CADM1: variants seen among roughly 807,000 people sequenced by gnomAD.
The protein encoded by CADM1 is cell adhesion molecule 1.
CADM1 carries 15 observed loss-of-function variants against 53.1 expected under a neutral mutation model. The ratio of observed to expected loss-of-function variants is 0.28; its 90% CI spans 0.19 to 0.44. The LOEUF is 0.44. Ranked by LOEUF, CADM1 falls within the 20% of genes least tolerant of loss-of-function variation. The pLI, the probability that CADM1 is intolerant of heterozygous loss-of-function variation, is 1.00. For synonymous variants in CADM1, 281 were observed against 243.0 expected, an observed-to-expected ratio of 1.16 and a Z score of -1.45; for missense variants, 434 against 611.3, an observed-to-expected ratio of 0.71 and a Z score of 3.06.
intron 1 of CADM1, among the ~76,000 whole-genome samples, chr11:115,358,815 G>A (rs141836498): frequency 2.0e-4 from 31 of 152,220 alleles, no homozygotes; most frequent in Non-Finnish European, 3.7e-4. Flanking sequence ...ACTCTAAGGA[G>A]TATAAGTAAA....
intron 1 of CADM1, among the ~76,000 whole-genome samples, chr11:115,350,609 AT>A (rs1216092521): frequency 6.7e-6 from 1 of 150,254 alleles, no homozygotes; most frequent in Non-Finnish European, 1.5e-5. Flanking sequence ...TAGCTGGCTA[AT>A]TTATTCTGAG....
At chr11:115,322,753 T>C (rs1944856800) in intron 1 of CADM1, among the ~76,000 whole-genome samples, 1 of 152,198 alleles carries the variant, frequency 6.6e-6, no homozygotes, top group South Asian at 2.1e-4. Flanking sequence ...TTCTGTTTAA[T>C]GGTTGCGTAA....
intron 1 of CADM1, among the ~76,000 whole-genome samples, chr11:115,314,209 AT>A: frequency 6.6e-6 from 1 of 152,040 alleles, no homozygotes; most frequent in Non-Finnish European, 1.5e-5. Context: ...CCTTCTCAGG[AT>A]TCTTCACTCA....
At chr11:115,393,892 C>A (rs770637107) in intron 1 of CADM1, among the ~76,000 whole-genome samples, 5 of 152,008 alleles carry the variant, frequency 3.3e-5, no homozygotes, top group Non-Finnish European at 7.4e-5. Flanking sequence ...TACAGAGTCA[C>A]CGACCACGGT....
chr11:115,231,474 C>T lies in CADM1; in HGVS notation c.441G>A (p.Leu147=). Reference sequence around the variant, plus strand: ...CAGTGTCTTTCTGGATATCGATCATCAGATTACGTGGTGGGACTACAAATT... The same window carrying T: ...CAGTGTCTTTCTGGATATCGATCATTAGATTACGTGGTGGGACTACAAATT... The part of the protein sequence containing the change: ...TITVLVPPRN[L]MIDIQKDTAV... Residue 147 remains leucine, a synonymous_variant, in exon 4 of 12, where the codon CTG becomes CTA. Coordinates refer to ENST00000331581, the MANE Select transcript of CADM1 (RefSeq NM_001301043.2). The T allele has an allele frequency of 6.2e-7, 1 of 1,614,048 alleles. No individual in the cohort carries two copies. The highest frequency in any genetic ancestry group is 8.5e-7 in the Non-Finnish European group (1 of 1,179,920).
intron 1 of CADM1, among the ~76,000 whole-genome samples, chr11:115,314,264 TG>T (rs1268169382): frequency 1.3e-5 from 2 of 152,016 alleles, no homozygotes; most frequent in Non-Finnish European, 2.9e-5. Flanking sequence ...GGGGGGACAC[TG>T]GGGGAGAGAA....
At chr11:115,357,551 C>T (rs954070524) in intron 1 of CADM1, among the ~76,000 whole-genome samples, 1 of 152,108 alleles carries the variant, frequency 6.6e-6, no homozygotes, top group African/African-American at 2.4e-5. Context: ...CGGTGTTGTC[C>T]ACTTATTAGC....
At position 115,356,080 on chromosome 11, in the gene CADM1, C is replaced by T. The variant is rs552653629; in HGVS notation, c.125-115660G>A. ...ACTCCTGACCTTGTGATCCACCCACCTTGGCCTCCCAAAGTGCTGGGATTA... is the reference window on the plus strand; with the variant it reads ...ACTCCTGACCTTGTGATCCACCCACTTTGGCCTCCCAAAGTGCTGGGATTA... On this transcript the variant is annotated intron_variant, in intron 1 of 11. Transcript: ENST00000331581. Among the ~76,000 whole-genome samples, 5 of 152,252 alleles carry T rather than the reference C, an allele frequency of 3.3e-5. No homozygotes were observed. In the South Asian group the frequency reaches 1.0e-3, roughly 32 times the overall value.
At chr11:115,275,618 C>T (rs1402702513) in intron 1 of CADM1, among the ~76,000 whole-genome samples, 4 of 152,022 alleles carry the variant, frequency 2.6e-5, no homozygotes, top group Non-Finnish European at 4.4e-5. Flanking sequence ...TTGCAAGTAA[C>T]TTATTAAAGA....
chr11:115,409,262 C>CTCT (rs1299141366), intron 1 of CADM1, among the ~76,000 whole-genome samples: 3 of 152,168 alleles, frequency 2.0e-5, no homozygotes, highest in Non-Finnish European at 4.4e-5. Context: ...AAGAAGACAT[C>CTCT]ACAACACCTC....
At chr11:115,245,815 C>G (rs979622867) in intron 1 of CADM1, among the ~76,000 whole-genome samples, 3 of 152,176 alleles carry the variant, frequency 2.0e-5, no homozygotes, top group East Asian at 1.9e-4. Context: ...TCTATCTAAG[C>G]AATTATTGTC....
At position 115,175,731 on chromosome 11, in the gene CADM1, C is replaced by T. The variant is rs901585030; in HGVS notation, c.*743G>A. 4 of 988,152 alleles carry T rather than the reference C, an allele frequency of 4.0e-6. No homozygotes were observed. The highest frequency in any genetic ancestry group is 4.8e-6 in the Non-Finnish European group (4 of 831,702). The allele number at this position is 988,152 out of a possible 1,614,324, so 61.2% of individuals were successfully genotyped here. A position where few individuals can be genotyped will look rare whatever the true frequency, so the allele number is the denominator to read the frequency against. ...AGTGAAATTCAATCTCATTGTGACA[C>T]ACCTCACTTGCAGATAACCCTGTAC... On this transcript the variant is annotated 3_prime_UTR_variant, in exon 12 of 12. Transcript: ENST00000331581.
chr11:115,401,556 C>T (rs1469121076), intron 1 of CADM1, among the ~76,000 whole-genome samples: 1 of 151,746 alleles, frequency 6.6e-6, no homozygotes, highest in Non-Finnish European at 1.5e-5. Flanking sequence ...TGCAGCGAGC[C>T]GAGATTGTGC....
intron 8 of CADM1, among the ~76,000 whole-genome samples, chr11:115,204,436 T>C (rs554423573): frequency 6.6e-6 from 1 of 152,198 alleles, no homozygotes; most frequent in African/African-American, 2.4e-5. Context: ...GTTTAGGGAG[T>C]ATTTTGTCTC....
At chr11:115,330,844 G>C (rs1006024739) in intron 1 of CADM1, among the ~76,000 whole-genome samples, 32 of 152,128 alleles carry the variant, frequency 2.1e-4, no homozygotes, top group South Asian at 1.5e-3. Context: ...ACCTGGGTGG[G>C]AGCCAGGAGT....
At chr11:115,346,665 C>A (rs1300633811) in intron 1 of CADM1, among the ~76,000 whole-genome samples, 1 of 152,150 alleles carries the variant, frequency 6.6e-6, no homozygotes, top group African/African-American at 2.4e-5. Flanking sequence ...TCCCAGGTTT[C>A]TTTAAAATGA....
chr11:115,340,649 TATATATATA>T (rs1461104905), intron 1 of CADM1, among the ~76,000 whole-genome samples: 7 of 51,452 alleles, frequency 1.4e-4, no homozygotes, highest in Middle Eastern at 9.4e-3. Flanking sequence ...TATATATATA[TATATATATA>T]TTTTTTTTTT....
At chr11:115,323,520 C>T (rs1409126919) in intron 1 of CADM1, among the ~76,000 whole-genome samples, 1 of 152,050 alleles carries the variant, frequency 6.6e-6, no homozygotes. Context: ...GCCCATTTCC[C>T]AAATCTACTA....
chr11:115,425,201 GCT>G (rs1386574063), intron 1 of CADM1, among the ~76,000 whole-genome samples: 1 of 152,172 alleles, frequency 6.6e-6, no homozygotes, highest in Non-Finnish European at 1.5e-5. Context: ...GATTCTGTCC[GCT>G]CTTTTATTAA....
Sources: allele counts gnomAD v4.1 joint callset (sites outside exome capture counted in the v4.1 genomes callset), GRCh38; gene constraint gnomAD v4.1.1; transcripts MANE v1.5; gene names NCBI Gene and HGNC (gene_info 2026-07-23, HGNC 2026-07-21).